Variants in ZNF551 observed in about 807,000 individuals in gnomAD.
ZNF551 encodes the protein KOX 23 protein (56 AA).
In ZNF551, 5 loss-of-function variants were observed where a neutral mutation model predicts 7.9. That is an observed-to-expected ratio of 0.63 (90% CI 0.33 to 1.33). The LOEUF (loss-of-function observed/expected upper bound fraction) is 1.33, where lower values mean the gene tolerates loss of function less well. ZNF551 is among the 40% of genes most tolerant of loss of function. ZNF551 has a pLI of 0.05. For synonymous variants in ZNF551, 287 were observed against 277.3 expected (o/e 1.03, Z -0.35); for missense variants, 788 against 825.2 (o/e 0.95, Z 0.55).
At chr19:57,685,978 A>G (rs1490124456) in intron 2 of ZNF551, among the ~76,000 whole-genome samples, 1 of 152,174 alleles carries the variant, frequency 6.6e-6, no homozygotes, top group Non-Finnish European at 1.5e-5. Flanking sequence ...TTGTTGTTTC[A>G]TCTGTCACTT....
At position 57,686,617 on chromosome 19, in the gene ZNF551, A is replaced by G. The variant is rs546118612; in HGVS notation, c.342A>G (p.Lys114=). The part of the protein sequence containing the change: ...SEIKMCVPVL[K]DILPAAEHQT... ...TTAAGATGTGTGTCCCAGTCTTGAA[A>G]GACATTTTGCCTGCGGCTGAGCACC... The change falls in exon 3 of 3, where the codon AAA becomes AAG. Residue 114 remains lysine (K), a synonymous_variant. Coordinates refer to ENST00000282296, the MANE Select transcript of ZNF551 (RefSeq NM_138347.5). The G allele has an allele frequency of 6.2e-7, 1 of 1,614,272 alleles. No homozygotes were observed. The highest frequency in any genetic ancestry group is 8.5e-7 in the Non-Finnish European group (1 of 1,180,048).
At position 57,682,054 on chromosome 19, in the gene ZNF551, A is replaced by G; in HGVS notation, c.-110A>G. The G allele has an allele frequency of 8.7e-7, 1 of 1,150,218 alleles. No individual in the cohort carries two copies. Among genetic ancestry groups the G allele is most frequent in the Non-Finnish European group, 1.2e-6 (1 of 816,662 alleles). 71.3% of individuals were successfully genotyped at this position (1,150,218 alleles called of 1,614,324 possible). A position where few individuals can be genotyped will look rare whatever the true frequency, so the allele number is the denominator to read the frequency against. On this transcript the variant is annotated 5_prime_UTR_variant, in exon 1 of 3. Transcript: ENST00000282296. The stretch of plus-strand genomic sequence containing the variant: ...TCCAGCCCGCCAGTTTCTGCAGTGG[A>G]GGTCGCGACTGAGGGACGGGACAGA...
rs1984611787 is a variant in ZNF551, at chr19:57,687,536, T to C, written c.1261T>C (p.Cys421Arg). The C allele has an allele frequency of 1.2e-6, 2 of 1,614,212 alleles. No individual in the cohort carries two copies. The highest frequency in any genetic ancestry group is 2.2e-5 in the South Asian group (2 of 91,086). ...RVHTGEMPYQ[C>R]SDCGKSFSCK... Reference sequence around the variant, plus strand: ...TCACACTGGAGAAATGCCTTATCAGTGCAGTGATTGTGGGAAATCTTTTAG... The same window carrying C: ...TCACACTGGAGAAATGCCTTATCAGCGCAGTGATTGTGGGAAATCTTTTAG... The change falls in exon 3 of 3, where the codon TGC becomes CGC. Residue 421 changes from cysteine (C) to arginine (R), a missense_variant. Physicochemically the swap from Cys to Arg is radical, Grantham distance 180 (BLOSUM62 -3). Coordinates refer to ENST00000282296, the MANE Select transcript of ZNF551 (RefSeq NM_138347.5).
At position 57,681,981 on chromosome 19, in the gene ZNF551, C is replaced by G; in HGVS notation, c.-183C>G. The stretch of plus-strand genomic sequence containing the variant: ...GCACGCGCAGCGCGACGGGCCGGAA[C>G]TTCCGGCGTCCTCCTCGTGGCGGTC... On this transcript the variant is annotated 5_prime_UTR_variant, in exon 1 of 3. Coordinates refer to ENST00000282296, the MANE Select transcript of ZNF551 (RefSeq NM_138347.5). 1 of 638,202 alleles carries G rather than the reference C, an allele frequency of 1.6e-6. No homozygotes were observed. The highest frequency in any genetic ancestry group is 2.6e-6 in the Non-Finnish European group (1 of 378,348). 39.5% of individuals were successfully genotyped at this position (638,202 alleles called of 1,614,324 possible).
chr19:57,684,051 G>A (rs1237146062), intron 1 of ZNF551, among the ~76,000 whole-genome samples: 2 of 152,140 alleles, frequency 1.3e-5, no homozygotes, highest in Admixed American at 1.3e-4. Context: ...GCTGTGACTG[G>A]TTGGGGGACA....
intron 1 of ZNF551, among the ~76,000 whole-genome samples, chr19:57,684,611 A>G (rs1984494139): frequency 6.6e-6 from 1 of 152,134 alleles, no homozygotes; most frequent in Admixed American, 6.5e-5. Flanking sequence ...GAGAGGGGGC[A>G]TTAGTGTCAC....
In ZNF551 at chr19:57,682,098, C is replaced by T. The variant is rs1984399511; in HGVS notation, c.-66C>T. 6.7e-7 allele frequency: 1 copy of T among 1,498,572 alleles called. No homozygotes were observed. The highest frequency in any genetic ancestry group is 9.0e-7 in the Non-Finnish European group (1 of 1,114,232). 92.8% of individuals were successfully genotyped at this position (1,498,572 alleles called of 1,614,324 possible). A position where few individuals can be genotyped will look rare whatever the true frequency, so the allele number is the denominator to read the frequency against. On this transcript the variant is annotated 5_prime_UTR_variant, in exon 1 of 3. Coordinates refer to ENST00000282296, the MANE Select transcript of ZNF551 (RefSeq NM_138347.5). ...GGACAGAGAAGTCGCGAAAGTGGGC[C>T]AGAGGTTCTGCGACACCACCTCGGG...
rs935807640 is a variant in ZNF551, at chr19:57,688,539, C to T, written c.*251C>T. 9.3e-6 allele frequency: 5 copies of T among 540,406 alleles called. No individual in the cohort carries two copies. The highest frequency in any genetic ancestry group is 3.1e-5 in the East Asian group (1 of 31,758). 33.5% of individuals were successfully genotyped at this position (540,406 alleles called of 1,614,324 possible). ...TCACCCCTACCACCTGGCAGGTGCA[C>T]ACCATGTGCATGAGTCACTTCCCCA... On this transcript the variant is annotated 3_prime_UTR_variant, in exon 3 of 3. Transcript: ENST00000282296.
At chr19:57,683,530 AGGAGAGATTCAGAAT>A (rs1271964534) in intron 1 of ZNF551, among the ~76,000 whole-genome samples, 1 of 152,174 alleles carries the variant, frequency 6.6e-6, no homozygotes, top group Non-Finnish European at 1.5e-5. Context: ...AGGAACAGTG[AGGAGAGATTCAGAAT>A]GGAGACTTTT....
At position 57,687,604 on chromosome 19, in the gene ZNF551, A is replaced by G. The variant is rs531192088; in HGVS notation, c.1329A>G (p.Gly443=). 1.7e-5 allele frequency: 28 copies of G among 1,614,234 alleles called. No individual in the cohort carries two copies. In the East Asian group the frequency reaches 5.8e-4, roughly 33 times the overall value. The part of the protein sequence containing the change: ...ELIQHQRIHS[G]ERPYECRECG... ...TTCAACACCAGAGAATTCACAGTGG[A>G]GAAAGACCTTATGAATGCAGAGAAT... is the stretch of plus-strand genomic sequence containing the variant. The change falls in exon 3 of 3, where the codon GGA becomes GGG. Residue 443 remains glycine, a synonymous_variant. Coordinates refer to ENST00000282296, the MANE Select transcript of ZNF551 (RefSeq NM_138347.5).
chr19:57,682,808 C>T (rs1483249563), intron 1 of ZNF551, among the ~76,000 whole-genome samples: 7 of 152,174 alleles, frequency 4.6e-5, no homozygotes, highest in South Asian at 2.1e-4. Flanking sequence ...CCTCGCCACT[C>T]GTCTAGCCTT....
intron 1 of ZNF551, among the ~76,000 whole-genome samples, chr19:57,683,528 T>A (rs1984455102): frequency 6.6e-6 from 1 of 152,016 alleles, no homozygotes; most frequent in Admixed American, 6.6e-5. Context: ...TCAGGAACAG[T>A]GAGGAGAGAT....
Position 57,688,750 on chromosome 19 carries a change from G to A in ZNF551, c.*462G>A, listed in dbSNP as rs138130243. 344 of 161,316 alleles carry A rather than the reference G, an allele frequency of 2.1e-3. 1 individual carries two copies. The highest frequency in any genetic ancestry group is 7.1e-3 in the African/African-American group (296 of 41,710). 10.0% of individuals were successfully genotyped at this position (161,316 alleles called of 1,614,324 possible). ...GATTACTTTTTTAAGGAACATTGTC[G>A]GTCTCACATGATGCTTGTAATGAAT... On this transcript the variant is annotated 3_prime_UTR_variant, in exon 3 of 3. Coordinates refer to ENST00000282296, the MANE Select transcript of ZNF551 (RefSeq NM_138347.5).
At chr19:57,684,307 A>G (rs138467805) in intron 1 of ZNF551, among the ~76,000 whole-genome samples, 4 of 152,318 alleles carry the variant, frequency 2.6e-5, no homozygotes, top group African/African-American at 9.6e-5. Flanking sequence ...TGCTCATGGT[A>G]TGAGGCAGGA....
chr19:57,686,609 G>A lies in ZNF551; in HGVS notation c.334G>A (p.Val112Ile), dbSNP rs750182389. The change falls in exon 3 of 3, where the codon GTC (valine) becomes ATC (isoleucine). Residue 112 changes from valine (V) to isoleucine (I), a missense_variant. Physicochemically the swap from Val to Ile is conservative, Grantham distance 29 (BLOSUM62 3). Transcript: ENST00000282296. ...HLSEIKMCVP[V>I]LKDILPAAEH... ...CAGTGAGATTAAGATGTGTGTCCCA[G>A]TCTTGAAAGACATTTTGCCTGCGGC... is the stretch of plus-strand genomic sequence containing the variant. 1.9e-6 allele frequency: 3 copies of A among 1,614,192 alleles called. No homozygotes were observed. The highest frequency in any genetic ancestry group is 3.3e-5 in the Admixed American group (2 of 60,016).
At chr19:57,683,742 C>T (rs961025359) in intron 1 of ZNF551, among the ~76,000 whole-genome samples, 5 of 152,090 alleles carry the variant, frequency 3.3e-5, no homozygotes, top group African/African-American at 7.2e-5. Context: ...GAAGTGTTCA[C>T]GGTGAGGGTC....
intron 2 of ZNF551, 24 bp from the exon 3 acceptor site, chr19:57,686,457 T>C: frequency 6.3e-7 from 1 of 1,593,206 alleles, no homozygotes; most frequent in Non-Finnish European, 8.6e-7. Context: ...AGCATGCATT[T>C]CATCAGCATT....
At chr19:57,684,191 A>G (rs1411347363) in intron 1 of ZNF551, among the ~76,000 whole-genome samples, 3 of 152,092 alleles carry the variant, frequency 2.0e-5, no homozygotes, top group Non-Finnish European at 4.4e-5. Context: ...GCTGCCCCTA[A>G]CTTTAGGTGC....
rs1051638495 is a variant in ZNF551, at chr19:57,687,895, T to C, written c.1620T>C (p.Phe540=). The change falls in exon 3 of 3, where the codon TTT becomes TTC. Residue 540 remains phenylalanine (F), a synonymous_variant. Coordinates refer to ENST00000282296, the MANE Select transcript of ZNF551 (RefSeq NM_138347.5). ...AGTGCAGTGAATGTGGCAAATCTTT[T>C]AGACAGCGCTCTGGCCTCATTCAGC... ...PYECSECGKS[F]RQRSGLIQHR... 1 of 1,614,218 alleles carries C rather than the reference T, an allele frequency of 6.2e-7. No individual in the cohort carries two copies. Among genetic ancestry groups the C allele is most frequent in the Non-Finnish European group, 8.5e-7 (1 of 1,180,040 alleles).
Sources: gnomAD v4.1 joint callset for allele counts (sites outside exome capture counted in the v4.1 genomes callset) on GRCh38, gnomAD v4.1.1 for gene constraint, MANE v1.5 for transcripts, NCBI Gene and HGNC (gene_info 2026-07-23, HGNC 2026-07-21) for gene names.